The following NPHS1 variants were observed in gnomAD, a reference collection of about 807,000 sequenced individuals.
The protein encoded by NPHS1 is nephrin.
A neutral mutation model predicts 139.7 loss-of-function variants in NPHS1; 107 were observed. The ratio of observed to expected loss-of-function variants is 0.77; its 90% CI spans 0.66 to 0.90. The LOEUF is 0.90. Ranked by LOEUF, NPHS1 falls within the 40% of genes least tolerant of loss-of-function variation. The pLI is 0.00. For synonymous variants in NPHS1, 707 were observed against 706.6 expected (o/e 1.00, Z -0.01); for missense variants, 1,580 against 1,654.2 (o/e 0.96, Z 0.78).
chr19:35,841,252 A>C (rs957458169), intron 20 of NPHS1, among the ~76,000 whole-genome samples: 1 of 152,016 alleles, frequency 6.6e-6, no homozygotes, highest in Non-Finnish European at 1.5e-5. Context: ...GGGCGCCTGT[A>C]ATCTCAGCTA....
Position 35,831,353 on chromosome 19 carries a change from G to A in NPHS1, c.3330C>T (p.Val1110=). The A allele has an allele frequency of 2.5e-6, 4 of 1,614,016 alleles. No individual in the cohort carries two copies. Among genetic ancestry groups the A allele is most frequent in the Non-Finnish European group, 3.4e-6 (4 of 1,180,006 alleles). The change falls in exon 26 of 29, where the codon GTC becomes GTT. Residue 1110 remains valine (V), a synonymous_variant. Transcript: ENST00000378910. ...KTEAGSEEDR[V]RNEYEESQWT... is the part of the protein sequence containing the mutation. ...ACTGGCTCTCCTCATATTCGTTCCT[G>A]ACTCGGTCCTCTTCCGACCTTCCAG...
chr19:35,829,815 T>A (rs2311489), intron 28 of NPHS1, among the ~76,000 whole-genome samples: 110,358 of 151,718 alleles, frequency 0.73, 40,435 homozygotes, highest in East Asian at 0.91. Context: ...CTGGGATTAC[T>A]GGTGTGAGCC....
In NPHS1 at chr19:35,837,031, AAAGAAAGAAAG is replaced by A. The variant is rs1439609740; in HGVS notation, c.3110-1281_3110-1271del. ...AAAAAGAAAGAAAAGAAAAGAAAAG[AAAGAAAGAAAG>A]AAAGAAAGAAAGAAAGAAAGAAAGA... On this transcript the variant is annotated intron_variant, in intron 22 of 28. Transcript: ENST00000378910. Among the ~76,000 whole-genome samples the A allele has an allele frequency of 5.9e-3, 226 of 38,430 alleles. 1 individual carries two copies. Among genetic ancestry groups the A allele is most frequent in the African/African-American group, 0.038 (210 of 5,528 alleles). The allele number at this position is 38,430 out of a possible 152,430, so 25.2% of individuals were successfully genotyped here.
At position 35,852,078 on chromosome 19, in the gene NPHS1, T is replaced by C. The variant is rs184073252; in HGVS notation, c.-241A>G. Among the ~76,000 whole-genome samples the C allele has an allele frequency of 2.0e-5, 3 of 151,048 alleles. No individual in the cohort carries two copies. The highest frequency in any genetic ancestry group is 1.3e-4 in the Admixed American group (2 of 15,234). On this transcript the variant is annotated 5_prime_UTR_variant, in exon 1 of 29. Coordinates refer to ENST00000378910, the MANE Select transcript of NPHS1 (RefSeq NM_004646.4). ...CTGTCTCTTTAAAAAAACTTTTTTT[T>C]CTTTTTTCTTTTTTTTTTCTTTTTT...
chr19:35,835,780 G>T lies in NPHS1; in HGVS notation c.3110-19C>A. The T allele has an allele frequency of 6.2e-7, 1 of 1,609,610 alleles. No homozygotes were observed. The highest frequency in any genetic ancestry group is 2.2e-5 in the East Asian group (1 of 44,796). ...TGGAGACCTGGGGGGTGGATATACA[G>T]ATTGTGACTTAACACTAAGAATCTG... On this transcript the variant is annotated intron_variant, in intron 22 of 28. Transcript: ENST00000378910.
At chr19:35,827,227 C>G (rs186191496) in intron 28 of NPHS1, among the ~76,000 whole-genome samples, 2 of 151,932 alleles carry the variant, frequency 1.3e-5, no homozygotes, top group Non-Finnish European at 2.9e-5. Flanking sequence ...TCGATCCACC[C>G]GTCTCAGCCT....
At chr19:35,846,598 C>A (rs1463093115) in intron 11 of NPHS1, among the ~76,000 whole-genome samples, 1 of 152,232 alleles carries the variant, frequency 6.6e-6, no homozygotes, top group African/African-American at 2.4e-5. Flanking sequence ...TCCTCAGTTC[C>A]TTTTCTTAAA....
At chr19:35,828,664 G>C (rs973212857) in intron 28 of NPHS1, among the ~76,000 whole-genome samples, 1 of 152,208 alleles carries the variant, frequency 6.6e-6, no homozygotes, top group Non-Finnish European at 1.5e-5. Flanking sequence ...CAAAAATTAA[G>C]TTTTGTAGGA....
Position 35,831,347 on chromosome 19 carries a change from GT to G in NPHS1, c.3335del (p.Asn1112ThrfsTer31), listed in dbSNP as rs1972879328. ...CTGTCCACTGGCTCTCCTCATATTC[GT>G]TCCTGACTCGGTCCTCTTCCGACCT... ...EAGSEEDRVR[N>X]EYEESQWTGE... On this transcript the variant is annotated frameshift_variant, in exon 26 of 29. Transcript: ENST00000378910. LOFTEE classifies it high-confidence loss of function. 6 of 1,613,976 alleles carry G rather than the reference GT, an allele frequency of 3.7e-6. No individual in the cohort carries two copies. Among genetic ancestry groups the G allele is most frequent in the Non-Finnish European group, 5.1e-6 (6 of 1,179,984 alleles).
intron 28 of NPHS1, among the ~76,000 whole-genome samples, chr19:35,830,027 C>T (rs1478515784): frequency 6.6e-6 from 1 of 152,122 alleles, no homozygotes; most frequent in African/African-American, 2.4e-5. Flanking sequence ...AATTGTATGC[C>T]TTGATTTTTC....
In NPHS1 at chr19:35,825,621, G is replaced by A. The variant is rs1010595839; in HGVS notation, c.*893C>T. ...CCGTAGATTAGTTTTGCCTATTTTAGAATTTCTATAAACGAAAGCACACAC... is the reference window on the plus strand; with the variant it reads ...CCGTAGATTAGTTTTGCCTATTTTAAAATTTCTATAAACGAAAGCACACAC... On this transcript the variant is annotated 3_prime_UTR_variant, in exon 29 of 29. Coordinates refer to ENST00000378910, the MANE Select transcript of NPHS1 (RefSeq NM_004646.4). Among the ~76,000 whole-genome samples, 2 of 152,066 alleles carry A rather than the reference G, an allele frequency of 1.3e-5. No individual in the cohort carries two copies. Among genetic ancestry groups the A allele is most frequent in the Non-Finnish European group, 2.9e-5 (2 of 68,024 alleles).
In NPHS1 at chr19:35,825,401, A is replaced by G. The variant is rs1972787957; in HGVS notation, c.*1113T>C. Among the ~76,000 whole-genome samples, 1 of 152,158 alleles carries G rather than the reference A, an allele frequency of 6.6e-6. No individual in the cohort carries two copies. The highest frequency in any genetic ancestry group is 1.5e-5 in the Non-Finnish European group (1 of 68,028). On this transcript the variant is annotated 3_prime_UTR_variant, in exon 29 of 29. Coordinates refer to ENST00000378910, the MANE Select transcript of NPHS1 (RefSeq NM_004646.4). ...TTTTTAAAATCACTTTTATTGAGATATCATTTATGTACAATAAAAATGCAC... is the reference window on the plus strand; with the variant it reads ...TTTTTAAAATCACTTTTATTGAGATGTCATTTATGTACAATAAAAATGCAC...
In NPHS1 at chr19:35,845,547, A is replaced by G; in HGVS notation, c.1758-7T>C. ...GGCGGCCACGCCCTCCAGCCTGTGG[A>G]ACCGGGGTCAAGCCAGGGCTGCGAG... is the stretch of plus-strand genomic sequence containing the variant. On this transcript the variant is annotated splice_region_variant and splice_polypyrimidine_tract_variant and intron_variant, in intron 13 of 28. Transcript: ENST00000378910. The surrounding 1 kb of genome is among the most constrained non-coding windows in gnomAD (Gnocchi z 5.5). The G allele has an allele frequency of 6.2e-7, 1 of 1,611,594 alleles. No individual in the cohort carries two copies. Among genetic ancestry groups the G allele is most frequent in the Non-Finnish European group, 8.5e-7 (1 of 1,179,004 alleles).
Position 35,851,315 on chromosome 19 carries a change from C to A in NPHS1, c.344G>T (p.Arg115Leu), listed in dbSNP as rs768047120. 4 of 1,613,820 alleles carry A rather than the reference C, an allele frequency of 2.5e-6. No individual in the cohort carries two copies. In the Admixed American group the frequency reaches 6.7e-5, roughly 27 times the overall value. Reference sequence around the variant, plus strand: ...CACGAGCTCGGGCCCCATCTCAGAGCGGCCGACCTGGCACTCATACTCCGC... The same window carrying A: ...CACGAGCTCGGGCCCCATCTCAGAGAGGCCGACCTGGCACTCATACTCCGC... Reference protein sequence around the residue: ...DDAEYECQVGRSEMGPELVSP... With the variant: ...DDAEYECQVGLSEMGPELVSP... The change falls in exon 3 of 29, where the codon CGC becomes CTC. Residue 115 changes from arginine (R) to leucine (L), a missense_variant. Transcript: ENST00000378910.
Position 35,830,790 on chromosome 19 carries a change from G to A in NPHS1, c.3594+54C>T, listed in dbSNP as rs1599835209. 6.4e-6 allele frequency: 7 copies of A among 1,097,600 alleles called. No individual in the cohort carries two copies. The East Asian group carries it at 1.2e-4, about 18-fold the overall frequency. The allele number at this position is 1,097,600 out of a possible 1,614,324, so 68.0% of individuals were successfully genotyped here. On this transcript the variant is annotated intron_variant, in intron 28 of 28. Transcript: ENST00000378910. Reference sequence around the variant, plus strand: ...GCCCTAACTAATACAAGCAATAGGAGGTAGGCTCCCAGCACTAGCCAGGAA... The same window carrying A: ...GCCCTAACTAATACAAGCAATAGGAAGTAGGCTCCCAGCACTAGCCAGGAA...
chr19:35,837,978 G>T (rs183297644), intron 22 of NPHS1, among the ~76,000 whole-genome samples: 2 of 146,580 alleles, frequency 1.4e-5, no homozygotes, highest in Non-Finnish European at 3.0e-5. Flanking sequence ...TAGTCCAGTC[G>T]TGGTGGCTCA....
Position 35,847,183 on chromosome 19 carries a change from C to G in NPHS1, c.1440+858G>C, listed in dbSNP as rs537492745. On this transcript the variant is annotated intron_variant, in intron 11 of 28. Coordinates refer to ENST00000378910, the MANE Select transcript of NPHS1 (RefSeq NM_004646.4). ...GCCTCAGCCTCCCGAGTAGCTGGGA[C>G]TACAGGCACCTGCCACCACGCCTGG... is the stretch of plus-strand genomic sequence containing the variant. 5.3e-5 allele frequency among the ~76,000 whole-genome samples: 8 copies of G among 150,512 alleles called. No individual in the cohort carries two copies. The South Asian group carries it at 1.7e-3, about 32-fold the overall frequency.
In NPHS1 at chr19:35,845,893, G is replaced by A. The variant is rs1421440070; in HGVS notation, c.1628-95C>T. Reference sequence around the variant, plus strand: ...CACCCCAGGCTCCGCCCAGTCTCGGGTCCCCCACCCCGCCTCCGCCCGCTT... The same window carrying A: ...CACCCCAGGCTCCGCCCAGTCTCGGATCCCCCACCCCGCCTCCGCCCGCTT... On this transcript the variant is annotated intron_variant, in intron 12 of 28. Coordinates refer to ENST00000378910, the MANE Select transcript of NPHS1 (RefSeq NM_004646.4). The surrounding 1 kb of genome is among the most constrained non-coding windows in gnomAD (Gnocchi z 5.5). 2.6e-6 allele frequency: 4 copies of A among 1,539,224 alleles called. No homozygotes were observed. Among genetic ancestry groups the A allele is most frequent in the Non-Finnish European group, 3.5e-6 (4 of 1,140,962 alleles).
intron 20 of NPHS1, 28 bp downstream of exon 20, chr19:35,841,687 C>A: frequency 6.2e-7 from 1 of 1,613,822 alleles, no homozygotes; most frequent in Non-Finnish European, 8.5e-7. Flanking sequence ...AGCACCCCCT[C>A]CCCAACACCC....
Sources: allele counts gnomAD v4.1 joint callset (sites outside exome capture counted in the v4.1 genomes callset), GRCh38; gene constraint gnomAD v4.1.1; non-coding constraint Gnocchi (gnomAD v3.1); transcripts MANE v1.5; gene names NCBI Gene and HGNC (gene_info 2026-07-23, HGNC 2026-07-21).